The following SLC24A2 variants were observed in gnomAD, a reference collection of about 807,000 sequenced individuals.
SLC24A2 encodes sodium/potassium/calcium exchanger 2.
A neutral mutation model predicts 62.0 loss-of-function variants in SLC24A2; 36 were observed. The observed-to-expected ratio is 0.58, with a 90% confidence interval of 0.44 to 0.77. SLC24A2 has a LOEUF of 0.77. Among genes scored for constraint, SLC24A2 ranks in the 30% least tolerant of loss-of-function variants. SLC24A2 has a pLI of 0.00. For synonymous variants in SLC24A2, 358 were observed against 294.0 expected (o/e 1.22, Z -2.23); for missense variants, 846 against 817.9 (o/e 1.03, Z -0.42).
chr9:19,751,890 G>C (rs1006578231), intron 2 of SLC24A2, among the ~76,000 whole-genome samples: 1 of 152,158 alleles, frequency 6.6e-6, no homozygotes, highest in Non-Finnish European at 1.5e-5. Context: ...GCTGAATTAG[G>C]CATTTCTGAG....
chr9:20,127,061 C>T, the SLC24A2 span, among the ~76,000 whole-genome samples: 28 of 152,184 alleles, frequency 1.8e-4, no homozygotes, highest in African/African-American at 6.7e-4. Flanking sequence ...TGCCTTCTCC[C>T]CCTTTTCTTT....
chr9:20,232,352 A>C, the SLC24A2 span, among the ~76,000 whole-genome samples: 3 of 152,162 alleles, frequency 2.0e-5, no homozygotes, highest in African/African-American at 7.2e-5. Flanking sequence ...TCGGCTGTGA[A>C]TCCATCTGGT....
chr9:19,902,135 A>G, the SLC24A2 span, among the ~76,000 whole-genome samples: 1 of 152,126 alleles, frequency 6.6e-6, no homozygotes, highest in Non-Finnish European at 1.5e-5. Flanking sequence ...CTACTTTAAC[A>G]TTAATGCTGG....
At chr9:20,222,395 G>A in the SLC24A2 span, among the ~76,000 whole-genome samples, 1 of 151,906 alleles carries the variant, frequency 6.6e-6, no homozygotes, top group Non-Finnish European at 1.5e-5. Context: ...CTAATAAAAA[G>A]CAAAGTTTAG....
Position 19,593,119 on chromosome 9 carries a change from C to T in SLC24A2, c.1129+4110G>A, listed in dbSNP as rs75247186. On this transcript the variant is annotated intron_variant, in intron 5 of 10. Transcript: ENST00000341998. The stretch of plus-strand genomic sequence containing the variant: ...AACATGGCAGTGGAGACATCGCCTG[C>T]CAGGCACAGTGCTGTGAGCTTTATG... Among the ~76,000 whole-genome samples, 448 of 152,324 alleles carry T rather than the reference C, an allele frequency of 2.9e-3. 4 individuals are homozygous for T. The highest frequency in any genetic ancestry group is 0.01 in the African/African-American group (434 of 41,572).
At chr9:20,306,859 G>C in the SLC24A2 span, among the ~76,000 whole-genome samples, 1 of 152,100 alleles carries the variant, frequency 6.6e-6, no homozygotes, top group Non-Finnish European at 1.5e-5. Flanking sequence ...ACTTCACCTG[G>C]CTAATTTTTT....
At chr9:19,636,732 C>A (rs189406709) in intron 2 of SLC24A2, among the ~76,000 whole-genome samples, 258 of 152,164 alleles carry the variant, frequency 1.7e-3, no homozygotes, top group Middle Eastern at 6.8e-3. Flanking sequence ...CCACGCCTGG[C>A]CAGTACTAGG....
the SLC24A2 span, among the ~76,000 whole-genome samples, chr9:19,839,956 T>C: frequency 6.6e-6 from 1 of 152,202 alleles, no homozygotes; most frequent in Non-Finnish European, 1.5e-5. Context: ...GTAAGCTATA[T>C]CATCCAGGTT....
the SLC24A2 span, among the ~76,000 whole-genome samples, chr9:20,261,865 G>A: frequency 2.1e-5 from 3 of 142,818 alleles, no homozygotes; most frequent in Non-Finnish European, 4.5e-5. Context: ...TCAGCCTCCC[G>A]AGTAGCCGGG....
At chr9:19,574,241 G>T (rs1344698491) in intron 6 of SLC24A2, among the ~76,000 whole-genome samples, 2 of 152,316 alleles carry the variant, frequency 1.3e-5, no homozygotes, top group South Asian at 4.1e-4. Context: ...CTGCAGGCAA[G>T]GCAAGGGGGA....
chr9:20,091,124 C>G, the SLC24A2 span, among the ~76,000 whole-genome samples: 113 of 150,382 alleles, frequency 7.5e-4, 2 homozygotes, highest in East Asian at 0.018. Flanking sequence ...AAGACTGGCT[C>G]TCTGAAATGA....
chr9:19,681,263 CTG>C lies in SLC24A2; in HGVS notation c.931-58966_931-58965del, dbSNP rs373569918. On this transcript the variant is annotated intron_variant, in intron 2 of 10. Transcript: ENST00000341998. ...TTACACTAGCTATCCACATAGATCT[CTG>C]TTATCTCCCTCCCTTCCTTCAAGTC... 1.8e-4 allele frequency among the ~76,000 whole-genome samples: 28 copies of C among 152,230 alleles called. 1 individual carries two copies. Among genetic ancestry groups the C allele is most frequent in the African/African-American group, 6.3e-4 (26 of 41,556 alleles).
intron 2 of SLC24A2, among the ~76,000 whole-genome samples, chr9:19,651,212 T>C (rs1293568964): frequency 6.6e-6 from 1 of 152,186 alleles, no homozygotes; most frequent in Non-Finnish European, 1.5e-5. Context: ...TCAGCATTAA[T>C]CACATCTAAT....
At chr9:19,969,006 C>G in the SLC24A2 span, among the ~76,000 whole-genome samples, 54 of 152,216 alleles carry the variant, frequency 3.5e-4, no homozygotes, top group East Asian at 0.01. Context: ...AGTGGCTGTT[C>G]TACCAGACAT....
At chr9:20,222,934 GA>G in the SLC24A2 span, among the ~76,000 whole-genome samples, 9 of 151,198 alleles carry the variant, frequency 6.0e-5, no homozygotes, top group African/African-American at 1.9e-4. Context: ...TAAATAAGAA[GA>G]AAAAAAAGCA....
intron 2 of SLC24A2, among the ~76,000 whole-genome samples, chr9:19,697,985 A>C (rs1238377423): frequency 6.6e-6 from 1 of 152,176 alleles, no homozygotes; most frequent in Non-Finnish European, 1.5e-5. Context: ...AACAAAACAA[A>C]AATGAACAAA....
intron 8 of SLC24A2, among the ~76,000 whole-genome samples, chr9:19,530,060 C>G (rs1165731260): frequency 1.4e-5 from 2 of 142,078 alleles, no homozygotes; most frequent in Non-Finnish European, 1.5e-5. Context: ...GCCATTAGAT[C>G]TTTACTTATA....
the SLC24A2 span, among the ~76,000 whole-genome samples, chr9:19,979,520 G>A: frequency 6.6e-6 from 1 of 152,156 alleles, no homozygotes; most frequent in South Asian, 2.1e-4. Flanking sequence ...TACACATATA[G>A]ACATACACGC....
chr9:19,671,550 T>A (rs1434458946), intron 2 of SLC24A2, among the ~76,000 whole-genome samples: 1 of 152,126 alleles, frequency 6.6e-6, no homozygotes, highest in Non-Finnish European at 1.5e-5. Flanking sequence ...CTTTATTTCT[T>A]TCTCTTATCT....
Sources: gnomAD v4.1 joint callset for allele counts (sites outside exome capture counted in the v4.1 genomes callset) on GRCh38, gnomAD v4.1.1 for gene constraint, MANE v1.5 for transcripts, NCBI Gene and HGNC (gene_info 2026-07-23, HGNC 2026-07-21) for gene names.